The following NCAPD2 variants were observed in gnomAD, a reference collection of about 807,000 sequenced individuals.
The protein encoded by NCAPD2 is non-SMC condensin I complex subunit D2.
In NCAPD2, 100 loss-of-function variants were observed where a neutral mutation model predicts 164.5. That is an observed-to-expected ratio of 0.61 (90% CI 0.52 to 0.72). The LOEUF is 0.72. Among genes scored for constraint, NCAPD2 ranks in the 30% least tolerant of loss-of-function variants. The probability of loss-of-function intolerance (pLI) is 0.00; values close to 1 mark genes in which losing one functional copy is unlikely to be tolerated. For synonymous variants in NCAPD2, 585 were observed against 642.6 expected (o/e 0.91, Z 1.36); for missense variants, 1,560 against 1,749.2 (o/e 0.89, Z 1.93).
Position 6,510,634 on chromosome 12 carries a change from T to A in NCAPD2, c.268T>A (p.Ser90Thr). The A allele has an allele frequency of 1.9e-6, 3 of 1,614,078 alleles. No individual in the cohort carries two copies. Among genetic ancestry groups the A allele is most frequent in the Non-Finnish European group, 2.5e-6 (3 of 1,180,002 alleles). Reference sequence around the variant, plus strand: ...CAAGATTCTGCCCCTCACAGTGGTATCCCGCCACTCCCAGGAGCTTCCAGC... The same window carrying A: ...CAAGATTCTGCCCCTCACAGTGGTAACCCGCCACTCCCAGGAGCTTCCAGC... ...DTLQFLIKVV[S>T]RHSQELPAIL... is the part of the protein sequence containing the mutation. The change falls in exon 5 of 32, where the codon TCC (serine) becomes ACC (threonine). Residue 90 changes from serine to threonine, a missense_variant. Ser to Thr is a moderately conservative substitution (Grantham distance 58). Transcript: ENST00000315579.
chr12:6,524,615 C>T (rs1329066596), intron 17 of NCAPD2, among the ~76,000 whole-genome samples: 5 of 143,298 alleles, frequency 3.5e-5, no homozygotes, highest in Admixed American at 7.2e-5. Flanking sequence ...CGCCACTGCA[C>T]TCCAGCCTGG....
At position 6,509,715 on chromosome 12, in the gene NCAPD2, A is replaced by G; in HGVS notation, c.128-2A>G. 2 of 1,613,820 alleles carry G rather than the reference A, an allele frequency of 1.2e-6. No individual in the cohort carries two copies. The highest frequency in any genetic ancestry group is 1.7e-6 in the Non-Finnish European group (2 of 1,179,870). ...ATTGATTTGTTTTTTCCATCTTCAT[A>G]GCTTTTCAGGCTGCCTTTCGAGCTC... On this transcript the variant is annotated splice_acceptor_variant, in intron 2 of 31. Coordinates refer to ENST00000315579, the MANE Select transcript of NCAPD2 (RefSeq NM_014865.4). LOFTEE classifies it high-confidence loss of function.
At chr12:6,502,837 TTTGTTGTTG>T (rs3076196) in intron 2 of NCAPD2, among the ~76,000 whole-genome samples, 2 of 149,602 alleles carry the variant, frequency 1.3e-5, no homozygotes, top group African/African-American at 2.5e-5. Context: ...CAAAGGTGTT[TTTGTTGTTG>T]TTGTTGTTGT....
chr12:6,504,200 T>G (rs944603059), intron 2 of NCAPD2, among the ~76,000 whole-genome samples: 4 of 22,434 alleles, frequency 1.8e-4, no homozygotes, highest in East Asian at 1.5e-3. Context: ...TATATATATA[T>G]ATATATATAT....
intron 18 of NCAPD2, 91 bp downstream of exon 18, chr12:6,525,807 G>A (rs927068772): frequency 1.5e-5 from 23 of 1,526,400 alleles, no homozygotes; most frequent in African/African-American, 4.1e-5. Flanking sequence ...GTCACAGTGA[G>A]GCCCAACTGA....
rs1946138632 is a variant in NCAPD2, at chr12:6,510,719, A to T, written c.353A>T (p.Lys118Ile). Residue 118 changes from lysine (K) to isoleucine (I), a missense_variant, in exon 5 of 32, where the codon AAA becomes ATA. Physicochemically the swap from Lys to Ile is moderately radical, Grantham distance 102. Coordinates refer to ENST00000315579, the MANE Select transcript of NCAPD2 (RefSeq NM_014865.4). ...SDRNAHLNALKMNCYALIRLL... is the reference protein window; with the variant it reads ...SDRNAHLNALIMNCYALIRLL... ...AGAAACGCCCATCTAAATGCCCTCA[A>T]AATGAACTGTTATGCTCTGATACGT... 3 of 1,614,202 alleles carry T rather than the reference A, an allele frequency of 1.9e-6. No individual in the cohort carries two copies. The highest frequency in any genetic ancestry group is 2.5e-6 in the Non-Finnish European group (3 of 1,180,042).
chr12:6,521,755 A>T (rs1224362938), intron 14 of NCAPD2, 43 bp from the exon 15 acceptor site: 4 of 1,601,546 alleles, frequency 2.5e-6, no homozygotes, highest in Non-Finnish European at 2.6e-6. Flanking sequence ...ATTCCCCTGT[A>T]TCCCCTTGAA....
rs1474787893 is a variant in NCAPD2 at position 6,527,852 on chromosome 12, C to T, written c.2983C>T (p.Leu995=). 1 of 1,613,892 alleles carries T rather than the reference C, an allele frequency of 6.2e-7. No individual in the cohort carries two copies. Among genetic ancestry groups the T allele is most frequent in the Non-Finnish European group, 8.5e-7 (1 of 1,179,764 alleles). Residue 995 remains leucine, a synonymous_variant, in exon 23 of 32, where the codon CTA becomes TTA. Transcript: ENST00000315579. The part of the protein sequence containing the change: ...GATADDTEAE[L]IRGICEMELL... Reference sequence around the variant, plus strand: ...AACAGCAGATGACACAGAGGCAGAACTAATCCGTGGCATCTGCGAGATGGA... The same window carrying T: ...AACAGCAGATGACACAGAGGCAGAATTAATCCGTGGCATCTGCGAGATGGA...
chr12:6,528,722 G>A lies in NCAPD2; in HGVS notation c.3343G>A (p.Val1115Met), dbSNP rs1946341452. The change falls in exon 26 of 32, where the codon GTG becomes ATG. Residue 1115 changes from valine to methionine, a missense_variant. Val to Met is a conservative substitution (Grantham distance 21). Coordinates refer to ENST00000315579, the MANE Select transcript of NCAPD2 (RefSeq NM_014865.4). The surrounding 1 kb of genome is among the most constrained non-coding windows in gnomAD (Gnocchi z 5.1). The stretch of plus-strand genomic sequence containing the variant: ...GCAAGTGCGGAAAACAGCGGGGCTG[G>A]TGATGACCCACCTGATCCTCAAGGA... ...AQQVRKTAGL[V>M]MTHLILKDMV... is the part of the protein sequence containing the mutation. 1 of 1,613,972 alleles carries A rather than the reference G, an allele frequency of 6.2e-7. No individual in the cohort carries two copies. The highest frequency in any genetic ancestry group is 1.3e-5 in the African/African-American group (1 of 74,910).
intron 15 of NCAPD2, among the ~76,000 whole-genome samples, chr12:6,522,479 G>A (rs1221858104): frequency 6.6e-6 from 1 of 151,980 alleles, no homozygotes; most frequent in Middle Eastern, 3.2e-3. Context: ...CCAGCTACTC[G>A]GAAGGCTGGG....
rs1350540486 is a variant in NCAPD2 at position 6,495,121 on chromosome 12, T to G, written c.23T>G (p.Phe8Cys). The change falls in exon 2 of 32, where the codon TTC (phenylalanine) becomes TGC (cysteine). Residue 8 changes from phenylalanine (F) to cysteine (C), a missense_variant. Phe to Cys is a radical substitution (Grantham distance 205). Transcript: ENST00000315579. MAPQMYE[F>C]HLPLSPEELL... ...AGAATGGCTCCCCAAATGTATGAGT[T>G]CCATCTGCCATTATCCCCAGAGGAG... 1.2e-6 allele frequency: 2 copies of G among 1,614,122 alleles called. No individual in the cohort carries two copies. Among genetic ancestry groups the G allele is most frequent in the Non-Finnish European group, 1.7e-6 (2 of 1,180,004 alleles).
At chr12:6,516,395 G>C (rs1252688283) in intron 9 of NCAPD2, among the ~76,000 whole-genome samples, 1 of 152,038 alleles carries the variant, frequency 6.6e-6, no homozygotes, top group Non-Finnish European at 1.5e-5. Flanking sequence ...CCAGCTGCTT[G>C]GGAGGCTGAG....
chr12:6,500,545 TGTG>T (rs1282240772), intron 2 of NCAPD2, among the ~76,000 whole-genome samples: 1 of 152,166 alleles, frequency 6.6e-6, no homozygotes, highest in Non-Finnish European at 1.5e-5. Flanking sequence ...CTCCTCAAAA[TGTG>T]GTCCTCAGAT....
At chr12:6,509,987 A>G (rs553224545) in intron 3 of NCAPD2, 88 bp from the exon 4 acceptor site, 1 of 1,434,552 alleles carries the variant, frequency 7.0e-7, no homozygotes, top group South Asian at 1.2e-5. Flanking sequence ...ATTTTTAAAC[A>G]TTCGATTCCA....
chr12:6,524,820 GCA>G (rs1481701454), intron 17 of NCAPD2, among the ~76,000 whole-genome samples: 1 of 152,176 alleles, frequency 6.6e-6, no homozygotes, highest in East Asian at 1.9e-4. Context: ...TGCATTGCGG[GCA>G]CAGAGAGTGG....
Position 6,528,108 on chromosome 12 carries a change from G to A in NCAPD2, c.3143+17G>A, listed in dbSNP as rs537252803. 7.9e-5 allele frequency: 127 copies of A among 1,614,190 alleles called. No homozygotes were observed. The South Asian group carries it at 1.2e-3, about 15-fold the overall frequency. On this transcript the variant is annotated intron_variant, in intron 24 of 31. Transcript: ENST00000315579. The surrounding 1 kb of genome is among the most constrained non-coding windows in gnomAD (Gnocchi z 5.1). ...CATGATCAGGTAGGCCGTGGGGTTGGTACCCCCTTCTCAAGGAAGATGGGG... is the reference window on the plus strand; with the variant it reads ...CATGATCAGGTAGGCCGTGGGGTTGATACCCCCTTCTCAAGGAAGATGGGG...
Position 6,514,929 on chromosome 12 carries a change from T to A in NCAPD2, c.987+9T>A. ...ATCACCTGGATGGAGAAGTAGGTGG[T>A]CCACTAGGGGTCACTGAGCTTTTTC... On this transcript the variant is annotated intron_variant, in intron 9 of 31. Transcript: ENST00000315579. 6.2e-7 allele frequency: 1 copy of A among 1,614,170 alleles called. No individual in the cohort carries two copies. The highest frequency in any genetic ancestry group is 8.5e-7 in the Non-Finnish European group (1 of 1,180,014).
At chr12:6,509,329 T>C (rs189900620) in intron 2 of NCAPD2, among the ~76,000 whole-genome samples, 47 of 152,340 alleles carry the variant, frequency 3.1e-4, no homozygotes, top group Middle Eastern at 3.4e-3. Context: ...TGGCACGATC[T>C]TGGCTCACTG....
rs372207563 is a variant in NCAPD2 at position 6,527,102 on chromosome 12, T to G, written c.2907+39T>G. On this transcript the variant is annotated intron_variant, in intron 22 of 31. Transcript: ENST00000315579. ...CTCAGCACTTCCCAGATTTATTTCA[T>G]ACCTCAGCTCAGAACTGAGCTGATC... 3 of 1,568,208 alleles carry G rather than the reference T, an allele frequency of 1.9e-6. No individual in the cohort carries two copies. In the African/African-American group the frequency reaches 4.1e-5, roughly 21 times the overall value.
Sources: gnomAD v4.1 joint callset for allele counts (sites outside exome capture counted in the v4.1 genomes callset) on GRCh38, gnomAD v4.1.1 for gene constraint, Gnocchi (gnomAD v3.1) non-coding constraint, MANE v1.5 for transcripts, NCBI Gene and HGNC (gene_info 2026-07-23, HGNC 2026-07-21) for gene names.